The following RPA1 variants were observed in gnomAD, a reference collection of about 807,000 sequenced individuals.
RPA1 encodes the protein replication protein A 70 kDa DNA-binding subunit.
Under a neutral mutation model 83.0 loss-of-function variants are expected in RPA1, and 49 were observed. That is an observed-to-expected ratio of 0.59 (90% confidence interval 0.47 to 0.75). RPA1 has a LOEUF of 0.75. Among genes scored for constraint, RPA1 ranks in the 30% least tolerant of loss-of-function variants. RPA1 has a pLI of 0.00. For missense variants in RPA1, 693 were observed against 776.1 expected (o/e 0.89, Z 1.27); for synonymous variants, 279 against 281.8 (o/e 0.99, Z 0.10).
chr17:1,837,109 T>TA lies in RPA1; in HGVS notation c.34-5693dup, dbSNP rs1911855237. Reference sequence around the variant, plus strand: ...CCTCAGCCTCCCAAAGTGCTGGGATTACAGGTGTGAGCCACCACGCCCGGC... The same window carrying TA: ...CCTCAGCCTCCCAAAGTGCTGGGATTAACAGGTGTGAGCCACCACGCCCGGC... On this transcript the variant is annotated intron_variant, in intron 1 of 16. Transcript: ENST00000254719. Among the ~76,000 whole-genome samples the TA allele has an allele frequency of 2.0e-5, 3 of 152,250 alleles. 1 individual carries two copies. The highest frequency in any genetic ancestry group is 7.2e-5 in the African/African-American group (3 of 41,540).
chr17:1,872,993 T>C (rs957762702), intron 6 of RPA1, among the ~76,000 whole-genome samples: 2 of 152,236 alleles, frequency 1.3e-5, no homozygotes, highest in Admixed American at 6.5e-5. Flanking sequence ...ATCTTAAAGA[T>C]ACTTAACAGC....
At chr17:1,848,131 C>T (rs1912332141) in intron 4 of RPA1, among the ~76,000 whole-genome samples, 1 of 152,116 alleles carries the variant, frequency 6.6e-6, no homozygotes, top group Non-Finnish European at 1.5e-5. Flanking sequence ...TTGCTGATGA[C>T]AACAGTGTTC....
At chr17:1,833,980 G>A (rs748335690) in intron 1 of RPA1, among the ~76,000 whole-genome samples, 5 of 152,168 alleles carry the variant, frequency 3.3e-5, no homozygotes, top group African/African-American at 7.2e-5. Flanking sequence ...TCAGGAGTTC[G>A]AGATCAGCCT....
intron 3 of RPA1, among the ~76,000 whole-genome samples, chr17:1,844,253 A>G (rs891228958): frequency 1.3e-5 from 2 of 152,142 alleles, no homozygotes; most frequent in Non-Finnish European, 2.9e-5. Context: ...CCTAAGGATG[A>G]TATTGACATC....
intron 5 of RPA1, among the ~76,000 whole-genome samples, chr17:1,870,242 A>G (rs2151283111): frequency 6.6e-6 from 1 of 152,312 alleles, no homozygotes; most frequent in South Asian, 2.1e-4. Context: ...GTGAGCACTC[A>G]AGAAAGGGTA....
At chr17:1,889,052 A>C (rs1025876095) in intron 14 of RPA1, among the ~76,000 whole-genome samples, 13 of 151,546 alleles carry the variant, frequency 8.6e-5, no homozygotes, top group African/African-American at 3.2e-4. Context: ...TCTTTCATGC[A>C]CGTCATACAG....
intron 5 of RPA1, among the ~76,000 whole-genome samples, chr17:1,855,556 C>T (rs1597432894): frequency 6.6e-6 from 1 of 152,150 alleles, no homozygotes; most frequent in Admixed American, 6.6e-5. Flanking sequence ...ATTCTTTTTA[C>T]ATATTGTTGG....
intron 4 of RPA1, among the ~76,000 whole-genome samples, chr17:1,845,257 A>G (rs1567803993): frequency 6.6e-6 from 1 of 150,668 alleles, no homozygotes; most frequent in African/African-American, 2.4e-5. Context: ...ATTGAACCAC[A>G]TGTGGTGGCT....
chr17:1,895,348 A>ATTTTTTTTTT (rs139754576), intron 16 of RPA1, among the ~76,000 whole-genome samples: 2 of 148,928 alleles, frequency 1.3e-5, no homozygotes, highest in Non-Finnish European at 3.0e-5. Flanking sequence ...TATTTTTTTT[A>ATTTTTTTTTT]TTTTTATTTT....
intron 1 of RPA1, among the ~76,000 whole-genome samples, chr17:1,836,267 A>ACT (rs61196048): frequency 6.6e-6 from 1 of 151,788 alleles, no homozygotes; most frequent in East Asian, 1.9e-4. Context: ...GCACGCCACC[A>ACT]CCTGGCTAAT....
intron 15 of RPA1, among the ~76,000 whole-genome samples, chr17:1,893,447 T>C (rs1914272991): frequency 1.0e-5 from 1 of 99,932 alleles, no homozygotes; most frequent in African/African-American, 3.1e-5. Context: ...GTCCATTTGG[T>C]TTGGGTTTGG....
chr17:1,856,614 C>T (rs1295375015), intron 5 of RPA1, among the ~76,000 whole-genome samples: 4 of 151,598 alleles, frequency 2.6e-5, no homozygotes, highest in Admixed American at 2.0e-4. Flanking sequence ...CAAAACAAAA[C>T]GAAACTATAT....
intron 12 of RPA1, 148 bp downstream of exon 12, chr17:1,880,839 T>C (rs1913765717): frequency 9.2e-7 from 1 of 1,086,684 alleles, no homozygotes; most frequent in African/African-American, 1.6e-5. Flanking sequence ...TTATGCCTTC[T>C]GTGAGGAGGG....
chr17:1,858,360 A>C, intron 5 of RPA1: 1 of 1,606,140 alleles, frequency 6.2e-7, no homozygotes, highest in Non-Finnish European at 8.5e-7. Context: ...TCGCCATGGG[A>C]AGAGACCAAT....
intron 6 of RPA1, among the ~76,000 whole-genome samples, chr17:1,873,737 C>T (rs937037054): frequency 6.6e-6 from 1 of 151,820 alleles, no homozygotes; most frequent in African/African-American, 2.4e-5. Flanking sequence ...GCTTATAATC[C>T]CAGCACTCTG....
At chr17:1,835,275 A>G (rs1446850702) in intron 1 of RPA1, among the ~76,000 whole-genome samples, 1 of 151,560 alleles carries the variant, frequency 6.6e-6, no homozygotes, top group Non-Finnish European at 1.5e-5. Flanking sequence ...CAACCTCTCC[A>G]GTAGCTGGGA....
intron 1 of RPA1, among the ~76,000 whole-genome samples, chr17:1,838,584 CAA>C (rs1262559859): frequency 1.5e-5 from 2 of 130,688 alleles, no homozygotes; most frequent in African/African-American, 5.7e-5. Flanking sequence ...GCCTGGGCAA[CAA>C]GAGTGAAACT....
At position 1,830,066 on chromosome 17, in the gene RPA1, T is replaced by C; in HGVS notation, c.-28T>C. 1 of 1,248,884 alleles carries C rather than the reference T, an allele frequency of 8.0e-7. No individual in the cohort carries two copies. The highest frequency in any genetic ancestry group is 1.0e-6 in the Non-Finnish European group (1 of 988,042). 77.4% of individuals were successfully genotyped at this position (1,248,884 alleles called of 1,614,324 possible). A position where few individuals can be genotyped will look rare whatever the true frequency, so the allele number is the denominator to read the frequency against. ...TGGGGAAGCTGGAGCTGTTGCGGGG[T>C]CCGCGGGGAAGTCTTGGCGGTGGAG... On this transcript the variant is annotated 5_prime_UTR_variant, in exon 1 of 17. Coordinates refer to ENST00000254719, the MANE Select transcript of RPA1 (RefSeq NM_002945.5).
chr17:1,872,209 C>CAGGT, intron 5 of RPA1: 1 of 581,672 alleles, frequency 1.7e-6, no homozygotes, highest in Non-Finnish European at 3.1e-6. Flanking sequence ...CAATTCTAAG[C>CAGGT]AGGTGAAAGG....
Sources: gnomAD v4.1 joint callset for allele counts (sites outside exome capture counted in the v4.1 genomes callset) on GRCh38, gnomAD v4.1.1 for gene constraint, MANE v1.5 for transcripts, NCBI Gene and HGNC (gene_info 2026-07-23, HGNC 2026-07-21) for gene names.